Variants in WWC2 observed in about 807,000 individuals in gnomAD.
WWC2 encodes the protein WW and C2 domain containing 2, also known as protein WWC2.
WWC2 carries 101 observed loss-of-function variants against 138.5 expected under a neutral mutation model. The observed-to-expected ratio is 0.73, with a 90% confidence interval of 0.62 to 0.86. The LOEUF is 0.86. Among genes scored for constraint, WWC2 ranks in the 40% least tolerant of loss-of-function variants. The pLI, the probability that WWC2 is intolerant of heterozygous loss-of-function variation, is 0.00. For synonymous variants in WWC2, 558 were observed against 538.4 expected, an observed-to-expected ratio of 1.04 and a Z score of -0.50; for missense variants, 1,420 against 1,419.4, an observed-to-expected ratio of 1.00 and a Z score of -0.01.
rs188202996 is a variant in WWC2, at chr4:183,290,720, A to T, written c.3384+1085A>T. On this transcript the variant is annotated intron_variant, in intron 21 of 22. Coordinates refer to ENST00000403733, the MANE Select transcript of WWC2 (RefSeq NM_024949.6). ...TCCACATAGCTGAAATACTAATATT[A>T]CAAATGCCAAAACATTGTTTTCTAT... Among the ~76,000 whole-genome samples the T allele has an allele frequency of 4.5e-3, 684 of 152,356 alleles. 4 individuals are homozygous for T. The highest frequency in any genetic ancestry group is 0.016 in the African/African-American group (655 of 41,586).
At chr4:183,114,511 G>A (rs1305183968) in intron 1 of WWC2, among the ~76,000 whole-genome samples, 1 of 152,124 alleles carries the variant, frequency 6.6e-6, no homozygotes. Flanking sequence ...ACTAAATTTG[G>A]TTTATACATA....
intron 17 of WWC2, among the ~76,000 whole-genome samples, chr4:183,282,067 G>A (rs898530902): frequency 1.1e-4 from 16 of 152,208 alleles, no homozygotes; most frequent in East Asian, 7.7e-4. Flanking sequence ...GTCTGCATTC[G>A]GAGAACATGA....
At chr4:183,172,556 GTTTTTTTTT>G (rs61599876) in intron 1 of WWC2, among the ~76,000 whole-genome samples, 6 of 113,072 alleles carry the variant, frequency 5.3e-5, no homozygotes, top group Admixed American at 9.0e-5. Flanking sequence ...TATGTTTCTT[GTTTTTTTTT>G]TTTTTTTTTG....
rs538958836 is a variant in WWC2 at position 183,232,439 on chromosome 4, C to T, written c.523-7744C>T. Among the ~76,000 whole-genome samples, 20 of 152,276 alleles carry T rather than the reference C, an allele frequency of 1.3e-4. No homozygotes were observed. In the East Asian group the frequency reaches 3.9e-3, roughly 29 times the overall value. On this transcript the variant is annotated intron_variant, in intron 4 of 22. Coordinates refer to ENST00000403733, the MANE Select transcript of WWC2 (RefSeq NM_024949.6). The stretch of plus-strand genomic sequence containing the variant: ...TCCCCATTCCCCACACCTCCCTCCT[C>T]CATCCTCTGAGCCCTGAACAACCAC...
In WWC2 at chr4:183,099,330, G is replaced by A. The variant is rs1012241552; in HGVS notation, c.-162G>A. The A allele has an allele frequency of 4.6e-5, 28 of 603,822 alleles. No homozygotes were observed. The African/African-American group carries it at 4.9e-4, about 11-fold the overall frequency. The allele number at this position is 603,822 out of a possible 1,614,324, so 37.4% of individuals were successfully genotyped here. ...GGGGCCGCGAACAGCGTTTCCTGAG[G>A]CACCTCCCGCGCGTGGTTCCGCCGC... On this transcript the variant is annotated 5_prime_UTR_variant, in exon 1 of 23. Transcript: ENST00000403733.
At chr4:183,183,287 A>C (rs935702001) in intron 1 of WWC2, among the ~76,000 whole-genome samples, 1 of 152,094 alleles carries the variant, frequency 6.6e-6, no homozygotes, top group South Asian at 2.1e-4. Flanking sequence ...ATCACCTATC[A>C]CCTAGGTATT....
chr4:183,149,505 C>T (rs986984533), intron 1 of WWC2, among the ~76,000 whole-genome samples: 8 of 151,840 alleles, frequency 5.3e-5, no homozygotes, highest in Non-Finnish European at 1.0e-4. Context: ...GCCTGTAATC[C>T]CAGCTACTCA....
intron 16 of WWC2, 49 bp from the exon 17 acceptor site, chr4:183,280,727 A>G: frequency 6.5e-7 from 1 of 1,546,832 alleles, no homozygotes; most frequent in South Asian, 1.2e-5. Flanking sequence ...TTTTTAAGTC[A>G]TTTTTTCAAG....
chr4:183,228,209 A>AT, intron 4 of WWC2, among the ~76,000 whole-genome samples: 1 of 152,202 alleles, frequency 6.6e-6, no homozygotes, highest in Non-Finnish European at 1.5e-5. Flanking sequence ...GAAGTGATAG[A>AT]TTTTATGGCA....
chr4:183,313,069 A>T (rs966472223), intron 22 of WWC2, among the ~76,000 whole-genome samples: 12 of 152,280 alleles, frequency 7.9e-5, no homozygotes, highest in African/African-American at 2.9e-4. Flanking sequence ...CCATCATGGA[A>T]GGATGGCTGC....
chr4:183,186,816 G>A (rs763441653), intron 1 of WWC2, among the ~76,000 whole-genome samples: 4 of 152,042 alleles, frequency 2.6e-5, no homozygotes, highest in South Asian at 4.2e-4. Context: ...ACTAATTCTC[G>A]TTGGTACCAG....
In WWC2 at chr4:183,289,585, G is replaced by T. The variant is rs752820319; in HGVS notation, c.3334G>T (p.Val1112Leu). Residue 1112 changes from valine (V) to leucine (L), a missense_variant, in exon 21 of 23, where the codon GTG becomes TTG. Physicochemically the swap from Val to Leu is conservative, Grantham distance 32. Coordinates refer to ENST00000403733, the MANE Select transcript of WWC2 (RefSeq NM_024949.6). ...AQGETDLPPG[V>L]LEDERFQRLL... Reference sequence around the variant, plus strand: ...GGGAGAGACTGACCTTCCACCAGGCGTGCTGGAGGATGAGAGGTTCCAGAG... The same window carrying T: ...GGGAGAGACTGACCTTCCACCAGGCTTGCTGGAGGATGAGAGGTTCCAGAG... The T allele has an allele frequency of 2.5e-6, 4 of 1,613,804 alleles. No homozygotes were observed. Among genetic ancestry groups the T allele is most frequent in the Admixed American group, 3.3e-5 (2 of 60,002 alleles).
intron 1 of WWC2, among the ~76,000 whole-genome samples, chr4:183,114,750 G>A (rs865784699): frequency 5.9e-5 from 9 of 152,086 alleles, no homozygotes; most frequent in Non-Finnish European, 7.4e-5. Flanking sequence ...AGTGTGTTGC[G>A]GGGGTTTGGT....
chr4:183,110,894 A>G (rs1732208224), intron 1 of WWC2, among the ~76,000 whole-genome samples: 1 of 152,104 alleles, frequency 6.6e-6, no homozygotes, highest in Non-Finnish European at 1.5e-5. Flanking sequence ...TGTGAACAAC[A>G]GAGGTAAACG....
In WWC2 at chr4:183,241,591, T is replaced by A. The variant is rs147292133; in HGVS notation, c.602+1329T>A. On this transcript the variant is annotated intron_variant, in intron 5 of 22. Transcript: ENST00000403733. Reference sequence around the variant, plus strand: ...CTGCATATTAGAATAATCTGGAGAGTGCTTAGAAAAATAATGTTTCTAGTC... The same window carrying A: ...CTGCATATTAGAATAATCTGGAGAGAGCTTAGAAAAATAATGTTTCTAGTC... Among the ~76,000 whole-genome samples, 75 of 152,228 alleles carry A rather than the reference T, an allele frequency of 4.9e-4. No individual in the cohort carries two copies. The East Asian group carries it at 0.013, about 26-fold the overall frequency.
intron 21 of WWC2, among the ~76,000 whole-genome samples, chr4:183,299,564 T>G (rs562741474): frequency 1.2e-3 from 184 of 152,298 alleles, no homozygotes; most frequent in African/African-American, 4.3e-3. Flanking sequence ...AAAACCAGTT[T>G]TTTGAAAAAA....
In WWC2 at chr4:183,319,762, C is replaced by T. The variant is rs201935232; in HGVS notation, c.*4033C>T. 27 of 1,614,008 alleles carry T rather than the reference C, an allele frequency of 1.7e-5. No homozygotes were observed. The highest frequency in any genetic ancestry group is 5.5e-5 in the South Asian group (5 of 91,070). ...TCCCACCTGGGGACAAAGTCTGGGA[C>T]GTTCTCATCCCAGAACTCCTGAACC... On this transcript the variant is annotated 3_prime_UTR_variant, in exon 23 of 23. Coordinates refer to ENST00000403733, the MANE Select transcript of WWC2 (RefSeq NM_024949.6).
chr4:183,299,635 C>T (rs1738758154), intron 21 of WWC2, among the ~76,000 whole-genome samples: 1 of 152,162 alleles, frequency 6.6e-6, no homozygotes, highest in Non-Finnish European at 1.5e-5. Context: ...CCACTGACTT[C>T]CCTCACCTGC....
intron 10 of WWC2, among the ~76,000 whole-genome samples, chr4:183,260,616 A>G (rs769600528): frequency 1.3e-5 from 2 of 152,228 alleles, no homozygotes; most frequent in Non-Finnish European, 2.9e-5. Flanking sequence ...GCCTGGGAGC[A>G]ATAGGCTATA....
Sources: allele counts gnomAD v4.1 joint callset (sites outside exome capture counted in the v4.1 genomes callset), GRCh38; gene constraint gnomAD v4.1.1; transcripts MANE v1.5; gene names NCBI Gene and HGNC (gene_info 2026-07-23, HGNC 2026-07-21).